RASAL2: variants seen among roughly 807,000 people sequenced by gnomAD.
The protein encoded by RASAL2 is ras GTPase-activating protein nGAP.
In RASAL2, 58 loss-of-function variants were observed where a neutral mutation model predicts 128.9. That is an observed-to-expected ratio of 0.45 (90% confidence interval 0.36 to 0.56). The LOEUF (loss-of-function observed/expected upper bound fraction) is 0.56. Among genes scored for constraint, RASAL2 ranks in the 20% least tolerant of loss-of-function variants. The pLI is 0.00. For missense variants in RASAL2, 1,360 were observed against 1,601.6 expected (o/e 0.85, Z 2.57); for synonymous variants, 561 against 580.8 (o/e 0.97, Z 0.49).
chr1:178,158,440 G>A (rs1022296868), intron 1 of RASAL2, among the ~76,000 whole-genome samples: 2 of 151,526 alleles, frequency 1.3e-5, no homozygotes, highest in East Asian at 1.9e-4. Context: ...CTCCATGAAT[G>A]GTAGTGATTC....
At chr1:178,118,520 G>T (rs942322208) in intron 1 of RASAL2, among the ~76,000 whole-genome samples, 4 of 152,166 alleles carry the variant, frequency 2.6e-5, no homozygotes, top group Non-Finnish European at 4.4e-5. Context: ...GACAAAGTCA[G>T]TTCACCTGGC....
At chr1:178,306,366 A>C (rs1667990066) in intron 3 of RASAL2, among the ~76,000 whole-genome samples, 1 of 152,180 alleles carries the variant, frequency 6.6e-6, no homozygotes, top group Non-Finnish European at 1.5e-5. Context: ...ATATGTATGC[A>C]TGTGTCTTTA....
chr1:178,467,361 G>T lies in RASAL2; in HGVS notation c.3618G>T (p.Lys1206Asn), dbSNP rs1411872433. Residue 1206 changes from lysine to asparagine, a missense_variant, in exon 17 of 18, where the codon AAG (lysine) becomes AAT (asparagine). Transcript: ENST00000367649. ...TAATGGCTGTGGAAGAGGAACTGAAGAAGGATCATGCTGAGATGCAAGCAG... is the reference window on the plus strand; with the variant it reads ...TAATGGCTGTGGAAGAGGAACTGAATAAGGATCATGCTGAGATGCAAGCAG... ...SRLMAVEEEL[K>N]KDHAEMQAVI... is the part of the protein sequence containing the mutation. 6.2e-7 allele frequency: 1 copy of T among 1,614,142 alleles called. No homozygotes were observed. Among genetic ancestry groups the T allele is most frequent in the South Asian group, 1.1e-5 (1 of 91,078 alleles).
intron 1 of RASAL2, among the ~76,000 whole-genome samples, chr1:178,232,681 A>G (rs1664059229): frequency 6.6e-6 from 1 of 152,178 alleles, no homozygotes; most frequent in Non-Finnish European, 1.5e-5. Context: ...TTGAAAAACA[A>G]TATTAACTTT....
At chr1:178,144,155 G>C (rs1441144563) in intron 1 of RASAL2, among the ~76,000 whole-genome samples, 1 of 152,106 alleles carries the variant, frequency 6.6e-6, no homozygotes, top group African/African-American at 2.4e-5. Flanking sequence ...ATGTTGCTGA[G>C]CCCAGTGGAC....
chr1:178,189,674 T>G (rs1307728727), intron 1 of RASAL2, among the ~76,000 whole-genome samples: 1 of 152,180 alleles, frequency 6.6e-6, no homozygotes, highest in South Asian at 2.1e-4. Context: ...CTGAAAATAA[T>G]CTATACCAGT....
At chr1:178,356,692 C>T (rs185821975) in intron 3 of RASAL2, among the ~76,000 whole-genome samples, 2 of 152,150 alleles carry the variant, frequency 1.3e-5, no homozygotes, top group East Asian at 1.9e-4. Context: ...ATGTTTACCC[C>T]GGAAATAGGT....
At chr1:178,243,602 CAA>C (rs3041601) in intron 1 of RASAL2, among the ~76,000 whole-genome samples, 107 of 121,836 alleles carry the variant, frequency 8.8e-4, no homozygotes, top group Admixed American at 1.4e-3. Flanking sequence ...TTGTTGTTAT[CAA>C]AAAAAAAAAA....
chr1:178,447,770 C>T (rs1315341505), intron 9 of RASAL2, among the ~76,000 whole-genome samples: 1 of 145,942 alleles, frequency 6.9e-6, no homozygotes, highest in Non-Finnish European at 1.5e-5. Flanking sequence ...GAGAGGAAGA[C>T]GGATATGAGA....
At chr1:178,094,964 A>G (rs1658619318) in intron 1 of RASAL2, among the ~76,000 whole-genome samples, 1 of 152,164 alleles carries the variant, frequency 6.6e-6, no homozygotes, top group Non-Finnish European at 1.5e-5. Flanking sequence ...TTCTTAGGCG[A>G]TTACTTCAAG....
intron 3 of RASAL2, among the ~76,000 whole-genome samples, chr1:178,371,594 G>A (rs1260905844): frequency 6.6e-6 from 1 of 152,122 alleles, no homozygotes; most frequent in Non-Finnish European, 1.5e-5. Flanking sequence ...GGAGGGATGA[G>A]AGCTTCCTAT....
intron 3 of RASAL2, among the ~76,000 whole-genome samples, chr1:178,320,631 A>C (rs1028787855): frequency 2.0e-5 from 3 of 152,112 alleles, no homozygotes; most frequent in African/African-American, 7.2e-5. Flanking sequence ...AGGTGAGGCA[A>C]TGCCTCGCCC....
chr1:178,180,386 G>A (rs938467245), intron 1 of RASAL2, among the ~76,000 whole-genome samples: 2 of 145,428 alleles, frequency 1.4e-5, no homozygotes, highest in Non-Finnish European at 3.0e-5. Context: ...GCTCATTCCT[G>A]TTATACCTGC....
At chr1:178,169,553 TG>T (rs1215579281) in intron 1 of RASAL2, among the ~76,000 whole-genome samples, 4 of 152,152 alleles carry the variant, frequency 2.6e-5, no homozygotes, top group Admixed American at 2.0e-4. Context: ...CATTATCCTT[TG>T]AGGAGGTACA....
intron 1 of RASAL2, among the ~76,000 whole-genome samples, chr1:178,149,421 A>G (rs1320750038): frequency 6.6e-6 from 1 of 152,008 alleles, no homozygotes; most frequent in Non-Finnish European, 1.5e-5. Flanking sequence ...ATTGTTGTGG[A>G]TTTAATTCAT....
At chr1:178,260,841 A>G (rs1420008389) in intron 1 of RASAL2, among the ~76,000 whole-genome samples, 2 of 152,180 alleles carry the variant, frequency 1.3e-5, no homozygotes, top group Non-Finnish European at 2.9e-5. Context: ...TTCTGCACCC[A>G]TCAGTTGTAA....
chr1:178,339,532 C>A (rs1669760590), intron 3 of RASAL2, among the ~76,000 whole-genome samples: 1 of 152,066 alleles, frequency 6.6e-6, no homozygotes, highest in African/African-American at 2.4e-5. Flanking sequence ...GTAGTGAATC[C>A]CTCATTGGTT....
intron 12 of RASAL2, among the ~76,000 whole-genome samples, chr1:178,456,203 C>A (rs777582822): frequency 6.6e-6 from 1 of 152,198 alleles, no homozygotes; most frequent in African/African-American, 2.4e-5. Flanking sequence ...GTGTGCCCTG[C>A]AGTACTCTGG....
Position 178,100,612 on chromosome 1 carries a change from A to T in RASAL2, c.202+5918A>T, listed in dbSNP as rs563293976. 5.3e-5 allele frequency among the ~76,000 whole-genome samples: 8 copies of T among 152,158 alleles called. No homozygotes were observed. The South Asian group carries it at 1.7e-3, about 32-fold the overall frequency. On this transcript the variant is annotated intron_variant, in intron 1 of 17. Transcript: ENST00000367649. ...TGGTTTGCTAAGAAAAAGAAAAGAG[A>T]TTCACATGACATAGTAGGCTTTACC...
Sources: gnomAD v4.1 joint callset for allele counts (sites outside exome capture counted in the v4.1 genomes callset) on GRCh38, gnomAD v4.1.1 for gene constraint, MANE v1.5 for transcripts, NCBI Gene and HGNC (gene_info 2026-07-23, HGNC 2026-07-21) for gene names.